The following SULF2 variants were observed in gnomAD, a reference collection of about 807,000 sequenced individuals.
The protein encoded by SULF2 is sulfatase 2, also known as extracellular sulfatase Sulf-2.
Under a neutral mutation model 107.7 loss-of-function variants are expected in SULF2, and 52 were observed. The observed-to-expected ratio is 0.48, with a 90% CI of 0.39 to 0.61. SULF2 has a LOEUF of 0.61. SULF2 is among the 20% of genes least tolerant of loss of function. The probability of loss-of-function intolerance (pLI) is 0.00; values close to 1 mark genes in which losing one functional copy is unlikely to be tolerated. For missense variants in SULF2, 993 were observed against 1,177.3 expected (o/e 0.84, Z 2.29); for synonymous variants, 460 against 464.3 (o/e 0.99, Z 0.12).
At chr20:47,674,171 G>C (rs1213578285) in intron 10 of SULF2, among the ~76,000 whole-genome samples, 1 of 152,274 alleles carries the variant, frequency 6.6e-6, no homozygotes, top group Non-Finnish European at 1.5e-5. Context: ...TTTACTGTCT[G>C]ATCTTGTGCG....
At chr20:47,721,345 C>G (rs933668935) in intron 3 of SULF2, among the ~76,000 whole-genome samples, 7 of 149,928 alleles carry the variant, frequency 4.7e-5, no homozygotes, top group Non-Finnish European at 1.0e-4. Context: ...ATGCTCTCCT[C>G]CCACTTGCCC....
At chr20:47,677,191 C>T (rs952475241) in intron 8 of SULF2, 57 bp from the exon 9 acceptor site, 72 of 1,593,970 alleles carry the variant, frequency 4.5e-5, no homozygotes, top group Admixed American at 4.2e-4. Context: ...CACGACCCCC[C>T]GTTCCCCCAG....
At chr20:47,746,435 C>T (rs1568894362) in intron 2 of SULF2, among the ~76,000 whole-genome samples, 1 of 152,220 alleles carries the variant, frequency 6.6e-6, no homozygotes. Context: ...GGAACTCATT[C>T]AGCAGCCCTC....
At chr20:47,712,844 G>A (rs1030697096) in intron 3 of SULF2, among the ~76,000 whole-genome samples, 1 of 152,150 alleles carries the variant, frequency 6.6e-6, no homozygotes, top group Non-Finnish European at 1.5e-5. Flanking sequence ...GGCCAGCCTG[G>A]GCAACACGGA....
chr20:47,728,517 A>C (rs73624696), intron 3 of SULF2, among the ~76,000 whole-genome samples: 23,473 of 152,038 alleles, frequency 0.15, 2,397 homozygotes, highest in Middle Eastern at 0.23. Context: ...CGGGGACAGA[A>C]TGTGGAGACT....
chr20:47,761,119 T>C (rs1441198347), intron 1 of SULF2, among the ~76,000 whole-genome samples: 1 of 152,228 alleles, frequency 6.6e-6, no homozygotes, highest in African/African-American at 2.4e-5. Context: ...TAAACCATTA[T>C]TAGAGTGATC....
chr20:47,701,033 G>A (rs1467159416), intron 4 of SULF2, among the ~76,000 whole-genome samples: 1 of 152,184 alleles, frequency 6.6e-6, no homozygotes, highest in Non-Finnish European at 1.5e-5. Context: ...TCCACTAAAA[G>A]CCATGGACAA....
chr20:47,677,282 C>CT (rs1183900131), intron 8 of SULF2, 148 bp from the exon 9 acceptor site: 1 of 795,240 alleles, frequency 1.3e-6, no homozygotes, highest in Non-Finnish European at 2.1e-6. Context: ...CAGCTGGGCA[C>CT]TAGAGCATTG....
chr20:47,781,544 G>C (rs938143624), intron 1 of SULF2, among the ~76,000 whole-genome samples: 2 of 152,158 alleles, frequency 1.3e-5, no homozygotes, highest in African/African-American at 4.8e-5. Context: ...TCAGAGGCTT[G>C]TTCTTTCCTT....
Position 47,720,757 on chromosome 20 carries a change from C to T in SULF2, c.415+15946G>A, listed in dbSNP as rs888237843. Among the ~76,000 whole-genome samples, 3 of 152,056 alleles carry T rather than the reference C, an allele frequency of 2.0e-5. No homozygotes were observed. The South Asian group carries it at 6.2e-4, about 32-fold the overall frequency. On this transcript the variant is annotated intron_variant, in intron 3 of 20. Coordinates refer to ENST00000688720, the MANE Select transcript of SULF2 (RefSeq NM_001387048.1). Reference sequence around the variant, plus strand: ...GTTCAGGCTGAGTTTTGATCCTACCCCTGACACCAGTAGAAGAGTCCTCCA... The same window carrying T: ...GTTCAGGCTGAGTTTTGATCCTACCTCTGACACCAGTAGAAGAGTCCTCCA...
Position 47,665,211 on chromosome 20 carries a change from C to G in SULF2, c.1985G>C (p.Cys662Ser), listed in dbSNP as rs1275231880. 1 of 1,613,336 alleles carries G rather than the reference C, an allele frequency of 6.2e-7. No homozygotes were observed. The highest frequency in any genetic ancestry group is 1.3e-5 in the African/African-American group (1 of 74,916). The change falls in exon 14 of 21, where the codon TGT becomes TCT. Residue 662 changes from cysteine (C) to serine (S), a missense_variant. By Grantham distance (112) the Cys-to-Ser change is moderately radical. Coordinates refer to ENST00000688720, the MANE Select transcript of SULF2 (RefSeq NM_001387048.1). ...LKKKRPEECD[C>S]HKISYHTQHK... ...GCTACTGCCTCACCTGATTTTGTGACAGTCACATTCTTCTGGCCGCTTTTT... is the reference window on the plus strand; with the variant it reads ...GCTACTGCCTCACCTGATTTTGTGAGAGTCACATTCTTCTGGCCGCTTTTT...
intron 1 of SULF2, among the ~76,000 whole-genome samples, chr20:47,784,731 C>T (rs2090892130): frequency 6.6e-6 from 1 of 152,214 alleles, no homozygotes; most frequent in African/African-American, 2.4e-5. Flanking sequence ...AAAGTGCACT[C>T]CTAGAATTCA....
At chr20:47,768,573 AC>A (rs2090568016) in intron 1 of SULF2, among the ~76,000 whole-genome samples, 1 of 152,382 alleles carries the variant, frequency 6.6e-6, no homozygotes, top group Admixed American at 6.5e-5. Context: ...CTACCAGCCC[AC>A]GCTAGGCCTC....
rs781307287 is a variant in SULF2, at chr20:47,663,493, G to C, written c.2187C>G (p.Thr729=). Reference sequence around the variant, plus strand: ...CCGTCTGCCAGTGCTGGTTGTCGTGGGTGAAGCACGTGAGGCCTGGCATGC... The same window carrying C: ...CCGTCTGCCAGTGCTGGTTGTCGTGCGTGAAGCACGTGAGGCCTGGCATGC... The part of the protein sequence containing the change: ...TCSMPGLTCF[T]HDNQHWQTAP... Residue 729 remains threonine, a synonymous_variant, in exon 16 of 21, where the codon ACC becomes ACG. Coordinates refer to ENST00000688720, the MANE Select transcript of SULF2 (RefSeq NM_001387048.1). The C allele has an allele frequency of 6.8e-6, 11 of 1,611,586 alleles. No individual in the cohort carries two copies. In the South Asian group the frequency reaches 1.2e-4, roughly 18 times the overall value.
chr20:47,697,349 C>T (rs1350285264), intron 4 of SULF2, among the ~76,000 whole-genome samples: 3 of 152,222 alleles, frequency 2.0e-5, no homozygotes, highest in Non-Finnish European at 4.4e-5. Flanking sequence ...TCCTCAGAGG[C>T]CTTCTGAGGG....
At chr20:47,677,010 C>A in intron 9 of SULF2, 68 bp downstream of exon 9, 1 of 1,554,010 alleles carries the variant, frequency 6.4e-7, no homozygotes, top group South Asian at 1.1e-5. Flanking sequence ...TGCGGTGGGG[C>A]TACAGAAGCT....
chr20:47,736,984 C>T (rs565969083), intron 2 of SULF2, 42 bp from the exon 3 acceptor site: 102 of 1,609,286 alleles, frequency 6.3e-5, no homozygotes, highest in Middle Eastern at 1.7e-4. Flanking sequence ...GCAGGAGACC[C>T]GGGCGGCACC....
intron 17 of SULF2, among the ~76,000 whole-genome samples, chr20:47,662,522 T>C (rs1290923275): frequency 6.6e-6 from 1 of 152,236 alleles, no homozygotes; most frequent in Non-Finnish European, 1.5e-5. Context: ...AGGAAAGCTC[T>C]AGTGCTGGAG....
chr20:47,694,756 G>A lies in SULF2; in HGVS notation c.568-4461C>T, dbSNP rs913561168. ...TTCCCTCGAGTGGGCACTCCGCACCGGGCTTCCCTCCAAGGCCAAGGCAGT... is the reference window on the plus strand; with the variant it reads ...TTCCCTCGAGTGGGCACTCCGCACCAGGCTTCCCTCCAAGGCCAAGGCAGT... On this transcript the variant is annotated intron_variant, in intron 4 of 20. Transcript: ENST00000688720. The surrounding 1 kb of genome is among the most constrained non-coding windows in gnomAD (Gnocchi z 4.4). Among the ~76,000 whole-genome samples the A allele has an allele frequency of 2.0e-5, 3 of 152,150 alleles. No homozygotes were observed. Among genetic ancestry groups the A allele is most frequent in the South Asian group, 2.1e-4 (1 of 4,818 alleles).
Sources: gnomAD v4.1 joint callset for allele counts (sites outside exome capture counted in the v4.1 genomes callset) on GRCh38, gnomAD v4.1.1 for gene constraint, Gnocchi (gnomAD v3.1) non-coding constraint, MANE v1.5 for transcripts, NCBI Gene and HGNC (gene_info 2026-07-23, HGNC 2026-07-21) for gene names.